Variants in GRM3 observed in about 807,000 individuals in gnomAD.
GRM3 encodes metabotropic glutamate receptor 3.
A neutral mutation model predicts 70.5 loss-of-function variants in GRM3; 26 were observed. The ratio of observed to expected loss-of-function variants is 0.37; its 90% CI spans 0.27 to 0.51. The LOEUF is 0.51. Among genes scored for constraint, GRM3 ranks in the 20% least tolerant of loss-of-function variants. The pLI is 0.93. For missense variants in GRM3, 859 were observed against 1,123.8 expected (o/e 0.76, Z 3.37); for synonymous variants, 443 against 434.9 (o/e 1.02, Z -0.23).
chr7:86,787,798 T>A (rs1358464213), intron 3 of GRM3, among the ~76,000 whole-genome samples: 1 of 152,242 alleles, frequency 6.6e-6, no homozygotes, highest in South Asian at 2.1e-4. Context: ...GATACAGTAG[T>A]GAACATCATA....
chr7:86,711,832 C>A (rs1795206679), intron 1 of GRM3, among the ~76,000 whole-genome samples: 1 of 152,078 alleles, frequency 6.6e-6, no homozygotes, highest in African/African-American at 2.4e-5. Context: ...TTTCATTTCA[C>A]TGTTTTATTT....
At chr7:86,739,828 C>T (rs1346007045) in intron 1 of GRM3, among the ~76,000 whole-genome samples, 1 of 152,260 alleles carries the variant, frequency 6.6e-6, no homozygotes, top group South Asian at 2.1e-4. Flanking sequence ...ATCTAAGGCT[C>T]AAGAGTAAAA....
At position 86,817,942 on chromosome 7, in the gene GRM3, AATGCAATAC is replaced by A. The variant is rs1429073760; in HGVS notation, c.1325-20891_1325-20883del. 5.3e-5 allele frequency among the ~76,000 whole-genome samples: 8 copies of A among 152,150 alleles called. No individual in the cohort carries two copies. In the East Asian group the frequency reaches 1.5e-3, roughly 29 times the overall value. On this transcript the variant is annotated intron_variant, in intron 3 of 5. Transcript: ENST00000361669. ...GAATTTGAATCTACTGCAGTAGATC[AATGCAATAC>A]ATGCACACACACATGCACACATATA...
intron 1 of GRM3, among the ~76,000 whole-genome samples, chr7:86,685,332 A>G (rs1320774317): frequency 6.6e-6 from 1 of 152,168 alleles, no homozygotes; most frequent in East Asian, 1.9e-4. Context: ...TACCAGTAAA[A>G]CTTACAGATT....
intron 2 of GRM3, among the ~76,000 whole-genome samples, chr7:86,771,346 C>G (rs1796734753): frequency 6.6e-6 from 1 of 151,994 alleles, no homozygotes; most frequent in Non-Finnish European, 1.5e-5. Flanking sequence ...ATAATGGGCT[C>G]TTTTATATCG....
At chr7:86,701,172 G>A (rs996199269) in intron 1 of GRM3, among the ~76,000 whole-genome samples, 2 of 151,616 alleles carry the variant, frequency 1.3e-5, no homozygotes, top group Admixed American at 6.6e-5. Flanking sequence ...AAAGATAAAC[G>A]ATGTCCAACC....
intron 1 of GRM3, among the ~76,000 whole-genome samples, chr7:86,688,747 GTA>G (rs1466971765): frequency 2.1e-5 from 3 of 144,310 alleles, no homozygotes; most frequent in East Asian, 2.0e-4. Context: ...TATATATATC[GTA>G]TATATATATC....
chr7:86,798,805 T>C (rs1168281673), intron 3 of GRM3, among the ~76,000 whole-genome samples: 2 of 152,176 alleles, frequency 1.3e-5, no homozygotes, highest in Non-Finnish European at 1.5e-5. Context: ...AATTCCCACA[T>C]GTCATGGGTG....
intron 1 of GRM3, among the ~76,000 whole-genome samples, chr7:86,657,865 C>T (rs770993650): frequency 5.3e-5 from 8 of 151,990 alleles, no homozygotes; most frequent in Non-Finnish European, 7.4e-5. Context: ...AAAATACCAG[C>T]CAAAACAATT....
At chr7:86,662,138 A>G (rs1793910188) in intron 1 of GRM3, among the ~76,000 whole-genome samples, 1 of 151,940 alleles carries the variant, frequency 6.6e-6, no homozygotes, top group Non-Finnish European at 1.5e-5. Context: ...TTTTTTTGCT[A>G]CAAATGGAAA....
intron 1 of GRM3, among the ~76,000 whole-genome samples, chr7:86,736,808 G>C (rs59320507): frequency 0.017 from 2,519 of 152,286 alleles, 66 homozygotes; most frequent in African/African-American, 0.057. Flanking sequence ...ATGCACTCAA[G>C]AAGAGGAGAA....
intron 1 of GRM3, among the ~76,000 whole-genome samples, chr7:86,673,845 A>G (rs2115920727): frequency 6.6e-6 from 1 of 152,188 alleles, no homozygotes; most frequent in African/African-American, 2.4e-5. Flanking sequence ...TTCTATAACC[A>G]TACTTAATCA....
rs2116545561 is a variant in GRM3 at position 86,786,661 on chromosome 7, G to A, written c.869G>A (p.Arg290His). 3.7e-6 allele frequency: 6 copies of A among 1,611,858 alleles called. No homozygotes were observed. The highest frequency in any genetic ancestry group is 5.1e-6 in the Non-Finnish European group (6 of 1,179,854). ...CGGGAGCTCATTGCAGCCGCCAGCC[G>A]CGCCAATGCCTCCTTCACCTGGGTG... ...DSRELIAAAS[R>H]ANASFTWVAS... Residue 290 changes from arginine (R) to histidine (H), a missense_variant, in exon 3 of 6, where the codon CGC (arginine) becomes CAC (histidine). Arg to His is a conservative substitution (Grantham distance 29). Coordinates refer to ENST00000361669, the MANE Select transcript of GRM3 (RefSeq NM_000840.3). The surrounding 1 kb of genome is among the most constrained non-coding windows in gnomAD (Gnocchi z 6.0).
intron 1 of GRM3, among the ~76,000 whole-genome samples, chr7:86,758,858 C>T (rs1331423654): frequency 1.3e-5 from 2 of 152,134 alleles, no homozygotes; most frequent in Non-Finnish European, 2.9e-5. Flanking sequence ...TCATCACCAT[C>T]CGTTTCTCAG....
intron 3 of GRM3, among the ~76,000 whole-genome samples, chr7:86,836,809 G>C (rs1162456563): frequency 2.0e-5 from 3 of 152,276 alleles, no homozygotes; most frequent in African/African-American, 7.2e-5. Flanking sequence ...ATCGTCAAAA[G>C]AACTCTTATT....
At position 86,811,982 on chromosome 7, in the gene GRM3, TATA is replaced by T. The variant is rs555442155; in HGVS notation, c.1324+24871_1324+24873del. Among the ~76,000 whole-genome samples the T allele has an allele frequency of 2.4e-4, 37 of 151,620 alleles. No homozygotes were observed. The South Asian group carries it at 3.5e-3, about 14-fold the overall frequency. ...TATAATTTCTATATAATAGAAATTA[TATA>T]ATAAGTTTCTGTACTTACAGACTGT... is the stretch of plus-strand genomic sequence containing the variant. On this transcript the variant is annotated intron_variant, in intron 3 of 5. Transcript: ENST00000361669.
At chr7:86,781,506 T>C (rs568507148) in intron 2 of GRM3, among the ~76,000 whole-genome samples, 3 of 152,310 alleles carry the variant, frequency 2.0e-5, no homozygotes, top group South Asian at 4.1e-4. Flanking sequence ...AACTCAGGAA[T>C]TTACATCTCT....
intron 1 of GRM3, among the ~76,000 whole-genome samples, chr7:86,694,202 C>A (rs1414557724): frequency 6.6e-6 from 1 of 152,082 alleles, no homozygotes; most frequent in Non-Finnish European, 1.5e-5. Flanking sequence ...ATAACTCACT[C>A]AGAAATGAAG....
chr7:86,839,635 C>T lies in GRM3; in HGVS notation c.2121C>T (p.Leu707=). The T allele has an allele frequency of 6.8e-6, 11 of 1,613,982 alleles. No homozygotes were observed. The highest frequency in any genetic ancestry group is 6.8e-6 in the Non-Finnish European group (8 of 1,179,914). Residue 707 remains leucine, a synonymous_variant, in exon 4 of 6, where the codon CTC becomes CTT. Transcript: ENST00000361669. This position sits in a 1 kb window ranked among gnomAD's most constrained non-coding sequence, Gnocchi z 4.5. ...LVQIVMVSVW[L]ILEAPGTRRY... is the part of the protein sequence containing the mutation. Reference sequence around the variant, plus strand: ...AAATTGTGATGGTGTCTGTGTGGCTCATCCTGGAGGCCCCAGGCACCAGGA... The same window carrying T: ...AAATTGTGATGGTGTCTGTGTGGCTTATCCTGGAGGCCCCAGGCACCAGGA...
Sources: allele counts gnomAD v4.1 joint callset (sites outside exome capture counted in the v4.1 genomes callset), GRCh38; gene constraint gnomAD v4.1.1; non-coding constraint Gnocchi (gnomAD v3.1); transcripts MANE v1.5; gene names NCBI Gene and HGNC (gene_info 2026-07-23, HGNC 2026-07-21).